Variants in ZNF81 observed in about 807,000 individuals in gnomAD.
ZNF81 encodes zinc finger protein 81.
ZNF81 carries 5 observed loss-of-function variants against 32.3 expected under a neutral mutation model. The ratio of observed to expected loss-of-function variants is 0.15; its 90% CI spans 0.08 to 0.33. The LOEUF is 0.33. Ranked by LOEUF, ZNF81 falls within the 10% of genes least tolerant of loss-of-function variation. ZNF81 has a pLI of 1.00. For missense variants in ZNF81, 379 were observed against 479.8 expected (o/e 0.79, Z 1.96); for synonymous variants, 163 against 166.8 (o/e 0.98, Z 0.17).
At chrX:47,911,026 G>C (rs1189860363) in intron 4 of ZNF81, among the ~76,000 whole-genome samples, 1 of 110,584 alleles carries the variant, frequency 9.0e-6, no homozygotes, top group Non-Finnish European at 1.9e-5. Context: ...TTCCATTCTT[G>C]TTTCTAGTTA....
chrX:47,850,249 A>G (rs1358413529), intron 2 of ZNF81, among the ~76,000 whole-genome samples: 1 of 108,798 alleles, frequency 9.2e-6, no homozygotes, highest in Non-Finnish European at 1.9e-5. Context: ...GTGACAGCTC[A>G]TACTTGTAAT....
In ZNF81 at chrX:47,914,880, G is replaced by A. The variant is rs782120032; in HGVS notation, c.278-44G>A. On this transcript the variant is annotated intron_variant, in intron 4 of 4. Coordinates refer to ENST00000338637, the MANE Select transcript of ZNF81 (RefSeq NM_007137.5). The stretch of plus-strand genomic sequence containing the variant: ...TTATGTGTACCTTTTAATCTCTTGC[G>A]GTCTATTGTTTGTGTCAATTTTACT... The A allele has an allele frequency of 4.6e-5, 53 of 1,153,599 alleles. 1 individual carries two copies. The Admixed American group carries it at 7.0e-4, about 15-fold the overall frequency.
At chrX:47,880,992 C>T (rs1488635564) in intron 2 of ZNF81, among the ~76,000 whole-genome samples, 1 of 111,708 alleles carries the variant, frequency 9.0e-6, no homozygotes, top group Admixed American at 9.5e-5. Context: ...CTCAGTCTCT[C>T]TTCCTCTTCT....
At chrX:47,881,495 T>C (rs2058620521) in intron 2 of ZNF81, among the ~76,000 whole-genome samples, 1 of 112,399 alleles carries the variant, frequency 8.9e-6, no homozygotes, top group Admixed American at 9.4e-5. Flanking sequence ...AGGGGACAGA[T>C]ATTCAAACCA....
At chrX:47,855,159 T>A (rs201360920) in intron 2 of ZNF81, among the ~76,000 whole-genome samples, 32 of 47,943 alleles carry the variant, frequency 6.7e-4, no homozygotes, top group Non-Finnish European at 1.5e-3. Context: ...ATCAAAAAAA[T>A]AAATAAATTA....
At chrX:47,880,231 T>C (rs951319926) in intron 2 of ZNF81, among the ~76,000 whole-genome samples, 47 of 112,259 alleles carry the variant, frequency 4.2e-4, no homozygotes, top group African/African-American at 1.4e-3. Flanking sequence ...TGCTTTCTTT[T>C]GAGACAGGGT....
chrX:47,901,228 T>G (rs782629727), intron 4 of ZNF81, among the ~76,000 whole-genome samples: 1 of 112,576 alleles, frequency 8.9e-6, no homozygotes, highest in South Asian at 3.6e-4. Flanking sequence ...CCATTGATTC[T>G]TGTACATTGA....
chrX:47,896,368 C>G (rs2058679970), intron 4 of ZNF81, among the ~76,000 whole-genome samples: 1 of 111,562 alleles, frequency 9.0e-6, no homozygotes, highest in Admixed American at 9.5e-5. Flanking sequence ...TCTGTTCTTC[C>G]TAGCACTCTT....
At chrX:47,868,848 C>T (rs2058569550) in intron 2 of ZNF81, among the ~76,000 whole-genome samples, 1 of 102,657 alleles carries the variant, frequency 9.7e-6, no homozygotes, top group Non-Finnish European at 1.9e-5. Flanking sequence ...ACAGCAGCCT[C>T]AGACAGTTCA....
rs1163963861 is a variant in ZNF81, at chrX:47,919,606, A to G, written c.*2974A>G. The G allele has an allele frequency of 8.6e-6, 1 of 115,933 alleles. No individual in the cohort carries two copies. Among genetic ancestry groups the G allele is most frequent in the Non-Finnish European group, 1.8e-5 (1 of 56,267 alleles). The allele number at this position is 115,933 out of a possible 1,213,427, so 9.6% of individuals were successfully genotyped here. On this transcript the variant is annotated 3_prime_UTR_variant, in exon 5 of 5. Transcript: ENST00000338637. ...TGGAAGTCTGAGATCAGAATCTAGC[A>G]AGGTTAGGTCTTGGTGACGGCCCTC... is the stretch of plus-strand genomic sequence containing the variant.
At chrX:47,888,381 A>AACACACAC (rs1381274968) in intron 3 of ZNF81, among the ~76,000 whole-genome samples, 1 of 110,611 alleles carries the variant, frequency 9.0e-6, no homozygotes, top group African/African-American at 3.3e-5. Flanking sequence ...CACACACACA[A>AACACACAC]ACACACACAC....
intron 2 of ZNF81, among the ~76,000 whole-genome samples, chrX:47,879,191 A>C (rs2058611366): frequency 8.9e-6 from 1 of 111,810 alleles, no homozygotes; most frequent in Non-Finnish European, 1.9e-5. Flanking sequence ...GTAGTATAAT[A>C]TATTCACAGG....
chrX:47,894,364 A>G (rs1177078568), intron 3 of ZNF81, among the ~76,000 whole-genome samples: 1 of 111,623 alleles, frequency 9.0e-6, no homozygotes, highest in African/African-American at 3.3e-5. Flanking sequence ...AAACTGACTT[A>G]ACAGGAATCT....
rs630493 is a variant in ZNF81, at chrX:47,919,351, C to A, written c.*2719C>A. The A allele has an allele frequency of 0.076, 16,477 of 216,035 alleles. 1,722 individuals are homozygous for A. The highest frequency in any genetic ancestry group is 0.37 in the African/African-American group (12,540 of 34,303). 17.8% of individuals were successfully genotyped at this position (216,035 alleles called of 1,213,427 possible). On this transcript the variant is annotated 3_prime_UTR_variant, in exon 5 of 5. Transcript: ENST00000338637. ...CACCCTGGCTTTGTCAAGTCTACTG[C>A]TGAACCCATTGAAGGCATTCTTCAA... is the stretch of plus-strand genomic sequence containing the variant.
At chrX:47,897,045 T>C (rs1305875688) in intron 4 of ZNF81, among the ~76,000 whole-genome samples, 2 of 112,297 alleles carry the variant, frequency 1.8e-5, no homozygotes, top group African/African-American at 6.5e-5. Context: ...CATTCTCGTA[T>C]GTCTTTGTGT....
chrX:47,901,110 TTTTG>T (rs1392921285), intron 4 of ZNF81, among the ~76,000 whole-genome samples: 1 of 52,682 alleles, frequency 1.9e-5, no homozygotes, highest in Non-Finnish European at 5.0e-5. Flanking sequence ...GTTTTTTTAT[TTTTG>T]TTTGTTTTTT....
rs1603214324 is a variant in ZNF81, at chrX:47,923,399, T to G, written c.*6767T>G. 1.8e-5 allele frequency among the ~76,000 whole-genome samples: 2 copies of G among 111,296 alleles called. No homozygotes were observed. Among genetic ancestry groups the G allele is most frequent in the African/African-American group, 6.5e-5 (2 of 30,554 alleles). On this transcript the variant is annotated 3_prime_UTR_variant, in exon 5 of 5. Coordinates refer to ENST00000338637, the MANE Select transcript of ZNF81 (RefSeq NM_007137.5). ...CTTGTGCTTTGGGTCGAGAAGGATA[T>G]GCCTATAGAAGATAATGAGAAGGAG...
chrX:47,870,392 G>T (rs1569380185), intron 2 of ZNF81, among the ~76,000 whole-genome samples: 1 of 112,126 alleles, frequency 8.9e-6, no homozygotes, highest in African/African-American at 3.2e-5. Context: ...AGTGAATCTT[G>T]GCCAATGAGT....
chrX:47,895,726 T>A, intron 3 of ZNF81, 119 bp from the exon 4 acceptor site: 1 of 559,048 alleles, frequency 1.8e-6, no homozygotes, highest in Non-Finnish European at 3.1e-6. Flanking sequence ...CTGAGATTCT[T>A]CAGTCCCTTT....
Sources: allele counts gnomAD v4.1 joint callset (sites outside exome capture counted in the v4.1 genomes callset), GRCh38; gene constraint gnomAD v4.1.1; transcripts MANE v1.5; gene names NCBI Gene and HGNC (gene_info 2026-07-23, HGNC 2026-07-21).